The following ZPBP variants were observed in gnomAD, a reference collection of about 807,000 sequenced individuals.
The protein encoded by ZPBP is zona pellucida-binding protein 1.
Under a neutral mutation model 44.8 loss-of-function variants are expected in ZPBP, and 26 were observed. That is an observed-to-expected ratio of 0.58 (90% CI 0.43 to 0.81). The LOEUF (loss-of-function observed/expected upper bound fraction) is 0.81, where lower values mean the gene tolerates loss of function less well. Ranked by LOEUF, ZPBP falls within the 30% of genes least tolerant of loss-of-function variation. The pLI, the probability that ZPBP is intolerant of heterozygous loss-of-function variation, is 0.00. For synonymous variants in ZPBP, 174 were observed against 153.2 expected (o/e 1.14, Z -1.00); for missense variants, 409 against 434.0 (o/e 0.94, Z 0.51).
At chr7:50,038,836 T>C (rs1380490287) in intron 4 of ZPBP, among the ~76,000 whole-genome samples, 3 of 152,232 alleles carry the variant, frequency 2.0e-5, no homozygotes, top group Admixed American at 6.5e-5. Context: ...TACAGTATCA[T>C]GCTCTGTAGG....
chr7:49,847,360 T>C (rs1187189867), downstream of ZPBP, among the ~76,000 whole-genome samples: 2 of 152,132 alleles, frequency 1.3e-5, no homozygotes, highest in Admixed American at 6.6e-5. Context: ...AATAGTGTTA[T>C]CTGTGCTGTA....
intron 2 of ZPBP, among the ~76,000 whole-genome samples, chr7:49,869,218 A>G (rs1396216811): frequency 1.3e-5 from 2 of 152,208 alleles, no homozygotes; most frequent in African/African-American, 2.4e-5. Context: ...AGAGGCAGAC[A>G]TTGACTATAA....
At chr7:49,875,369 C>CAAAAAAAAAAAAAAAAAAAAAAAAAAAA (rs71018432) in intron 2 of ZPBP, among the ~76,000 whole-genome samples, 1 of 19,016 alleles carries the variant, frequency 5.3e-5, no homozygotes, top group Non-Finnish European at 8.5e-5. Flanking sequence ...GATTCTGACT[C>CAAAAAAAAAAAAAAAAAAAAAAAAAAAA]AAAAAAAAAA....
chr7:50,060,802 G>T (rs116510885), intron 3 of ZPBP, among the ~76,000 whole-genome samples: 34 of 152,294 alleles, frequency 2.2e-4, no homozygotes, highest in African/African-American at 8.2e-4. Flanking sequence ...CTCTTTCCTA[G>T]CTCATTCTAT....
At chr7:49,905,829 G>A (rs1477871547) in intron 1 of ZPBP, among the ~76,000 whole-genome samples, 1 of 152,198 alleles carries the variant, frequency 6.6e-6, no homozygotes, top group Non-Finnish European at 1.5e-5. Context: ...ACAGGCTGCA[G>A]TAAAGAAGCC....
chr7:49,885,578 C>T (rs1274725742), intron 2 of ZPBP, among the ~76,000 whole-genome samples: 1 of 152,152 alleles, frequency 6.6e-6, no homozygotes, highest in Admixed American at 6.5e-5. Flanking sequence ...ATTCAGTCTC[C>T]TAAACAGGGA....
chr7:49,941,195 T>A (rs979582001), intron 7 of ZPBP, among the ~76,000 whole-genome samples: 10 of 152,122 alleles, frequency 6.6e-5, no homozygotes, highest in African/African-American at 7.2e-5. Context: ...TTGGTGGAAA[T>A]GTAAAATGGT....
intron 1 of ZPBP, among the ~76,000 whole-genome samples, chr7:49,923,703 A>G (rs1488489681): frequency 6.6e-6 from 1 of 152,026 alleles, no homozygotes; most frequent in Non-Finnish European, 1.5e-5. Flanking sequence ...TTCACCTTTC[A>G]TTGTAAATCC....
intron 3 of ZPBP, among the ~76,000 whole-genome samples, chr7:50,061,928 C>T (rs1301585867): frequency 2.6e-5 from 4 of 152,168 alleles, no homozygotes; most frequent in Non-Finnish European, 5.9e-5. Flanking sequence ...CAAAAAAACA[C>T]TGTTTCTGTT....
At chr7:50,008,457 A>G (rs1798415055) in intron 6 of ZPBP, among the ~76,000 whole-genome samples, 2 of 152,136 alleles carry the variant, frequency 1.3e-5, no homozygotes, top group Non-Finnish European at 2.9e-5. Flanking sequence ...AGCTATTTAT[A>G]GATTTAATAC....
At chr7:49,886,160 A>C (rs1187205648) in intron 2 of ZPBP, among the ~76,000 whole-genome samples, 1 of 152,158 alleles carries the variant, frequency 6.6e-6, no homozygotes, top group East Asian at 1.9e-4. Flanking sequence ...AGCATCCCAC[A>C]CTGAATTTGG....
chr7:49,978,030 T>G (rs1024774813), intron 7 of ZPBP, among the ~76,000 whole-genome samples: 2 of 151,774 alleles, frequency 1.3e-5, no homozygotes, highest in African/African-American at 2.4e-5. Flanking sequence ...TCTGGGGTAT[T>G]ATGTCAAAGA....
chr7:49,999,954 A>G (rs1798023342), intron 6 of ZPBP, among the ~76,000 whole-genome samples: 1 of 152,170 alleles, frequency 6.6e-6, no homozygotes, highest in African/African-American at 2.4e-5. Context: ...AAAAATTATA[A>G]CCCCACCTGA....
intron 7 of ZPBP, chr7:49,940,711 C>G (rs1237902281): frequency 1.0e-6 from 1 of 952,752 alleles, no homozygotes; most frequent in Non-Finnish European, 1.2e-6. Context: ...GGCATTTTTA[C>G]TCACCACTGT....
chr7:50,005,718 G>A (rs1798276543), intron 6 of ZPBP, among the ~76,000 whole-genome samples: 1 of 151,556 alleles, frequency 6.6e-6, no homozygotes, highest in Non-Finnish European at 1.5e-5. Flanking sequence ...GGAAAAGAGG[G>A]CAAAAAAGCT....
chr7:50,052,569 C>T (rs1173713300), intron 4 of ZPBP, among the ~76,000 whole-genome samples: 1 of 152,134 alleles, frequency 6.6e-6, no homozygotes, highest in Admixed American at 6.6e-5. Flanking sequence ...AAATATTCAA[C>T]TATCATATGA....
chr7:49,872,915 CAAAAAAAAA>C (rs61473396), intron 2 of ZPBP, among the ~76,000 whole-genome samples: 6 of 33,960 alleles, frequency 1.8e-4, no homozygotes, highest in East Asian at 2.2e-3. Context: ...GACTTTGTCT[CAAAAAAAAA>C]AAAAAAAAAA....
At chr7:49,963,695 A>G (rs1795947924) in intron 7 of ZPBP, among the ~76,000 whole-genome samples, 1 of 151,890 alleles carries the variant, frequency 6.6e-6, no homozygotes, top group East Asian at 1.9e-4. Flanking sequence ...TTAAAATTAC[A>G]TATGTAAAAT....
intron 7 of ZPBP, among the ~76,000 whole-genome samples, chr7:49,939,726 T>G (rs1041301114): frequency 6.6e-6 from 1 of 152,034 alleles, no homozygotes; most frequent in African/African-American, 2.4e-5. Flanking sequence ...AAAATAAAAC[T>G]GTGGAAAGAC....
Sources: allele counts gnomAD v4.1 joint callset (sites outside exome capture counted in the v4.1 genomes callset), GRCh38; gene constraint gnomAD v4.1.1; transcripts MANE v1.5; gene names NCBI Gene and HGNC (gene_info 2026-07-23, HGNC 2026-07-21).